VIT: variants seen among roughly 807,000 people sequenced by gnomAD.
The protein encoded by VIT is vitrin.
In VIT, 99 loss-of-function variants were observed where a neutral mutation model predicts 78.0. The observed-to-expected ratio is 1.27, with a 90% confidence interval of 1.08 to 1.50. The LOEUF (loss-of-function observed/expected upper bound fraction) is 1.50, where lower values mean the gene tolerates loss of function less well. VIT is among the 40% of genes most tolerant of loss of function. VIT has a pLI of 0.00. For missense variants in VIT, 1,126 were observed against 875.3 expected (o/e 1.29, Z -3.61); for synonymous variants, 374 against 334.3 (o/e 1.12, Z -1.29).
chr2:36,740,517 T>C (rs1558529818), intron 3 of VIT, among the ~76,000 whole-genome samples: 1 of 152,198 alleles, frequency 6.6e-6, no homozygotes. Flanking sequence ...TCTGTACAAA[T>C]TTAACAAATT....
intron 3 of VIT, among the ~76,000 whole-genome samples, chr2:36,742,866 A>T (rs1347912562): frequency 6.6e-6 from 1 of 152,180 alleles, no homozygotes; most frequent in Non-Finnish European, 1.5e-5. Context: ...TAAGCACAGG[A>T]ATCAGCCTTT....
intron 4 of VIT, among the ~76,000 whole-genome samples, chr2:36,750,686 C>T (rs996901415): frequency 6.6e-6 from 1 of 151,172 alleles, no homozygotes; most frequent in East Asian, 2.0e-4. Context: ...CTGGGCATGG[C>T]GGTGCACACA....
At chr2:36,796,631 T>C (rs1280291378) in intron 12 of VIT, among the ~76,000 whole-genome samples, 3 of 152,122 alleles carry the variant, frequency 2.0e-5, no homozygotes, top group Non-Finnish European at 4.4e-5. Context: ...AAAAACTTTT[T>C]TTTTTAGTTT....
chr2:36,726,839 AAAAAC>A (rs1553364631), intron 2 of VIT, among the ~76,000 whole-genome samples: 8 of 74,866 alleles, frequency 1.1e-4, no homozygotes, highest in South Asian at 5.9e-4. Context: ...AAAAAAAAAA[AAAAAC>A]AAAACCTCAG....
intron 12 of VIT, among the ~76,000 whole-genome samples, chr2:36,796,551 A>T (rs1009621360): frequency 6.6e-6 from 1 of 152,246 alleles, no homozygotes; most frequent in Non-Finnish European, 1.5e-5. Flanking sequence ...CCAGAACCTT[A>T]ATGATCAATA....
intron 14 of VIT, among the ~76,000 whole-genome samples, chr2:36,806,731 ATT>A (rs1268595844): frequency 6.6e-6 from 1 of 151,566 alleles, no homozygotes; most frequent in Non-Finnish European, 1.5e-5. Context: ...ATTTTATTTT[ATT>A]TTTTTATTTT....
intron 1 of VIT, among the ~76,000 whole-genome samples, chr2:36,702,886 C>T (rs1360275532): frequency 6.6e-6 from 1 of 152,228 alleles, no homozygotes; most frequent in Non-Finnish European, 1.5e-5. Flanking sequence ...TGGGGGTTTA[C>T]AGTTCCTCCC....
At chr2:36,734,687 G>A (rs2148496946) in intron 3 of VIT, among the ~76,000 whole-genome samples, 1 of 152,318 alleles carries the variant, frequency 6.6e-6, no homozygotes, top group East Asian at 1.9e-4. Flanking sequence ...GGTTCCCACT[G>A]ATTTTGGTAG....
At chr2:36,795,242 T>A (rs901406208) in intron 12 of VIT, among the ~76,000 whole-genome samples, 2 of 152,038 alleles carry the variant, frequency 1.3e-5, no homozygotes, top group African/African-American at 4.8e-5. Context: ...TTCCAGGAAC[T>A]TTTGCAGTCA....
intron 7 of VIT, 99 bp from the exon 8 acceptor site, chr2:36,773,692 C>G: frequency 9.0e-7 from 1 of 1,109,880 alleles, no homozygotes; most frequent in South Asian, 2.6e-5. Context: ...CCACTGCACT[C>G]CAGCTCTGGG....
At chr2:36,769,132 G>T (rs1669606182) in intron 7 of VIT, among the ~76,000 whole-genome samples, 1 of 152,236 alleles carries the variant, frequency 6.6e-6, no homozygotes, top group Non-Finnish European at 1.5e-5. Flanking sequence ...TCTGTAGCCA[G>T]AAGTTCTCCT....
chr2:36,786,121 T>G (rs1665077414), intron 11 of VIT, among the ~76,000 whole-genome samples: 1 of 151,520 alleles, frequency 6.6e-6, no homozygotes. Flanking sequence ...AGTGCCCCAG[T>G]GTCCTCTCGG....
chr2:36,728,145 C>T (rs990166163), intron 2 of VIT, among the ~76,000 whole-genome samples: 3 of 151,850 alleles, frequency 2.0e-5, no homozygotes, highest in Non-Finnish European at 4.4e-5. Context: ...TGGCCACACT[C>T]GTCTCAAACT....
intron 13 of VIT, 117 bp from the exon 14 acceptor site, chr2:36,805,321 A>AC (rs1429102780): frequency 2.5e-6 from 3 of 1,210,270 alleles, no homozygotes; most frequent in Non-Finnish European, 2.2e-6. Flanking sequence ...AAAAAAAAAA[A>AC]AAAAAACTAG....
intron 14 of VIT, among the ~76,000 whole-genome samples, chr2:36,806,569 C>T (rs775238823): frequency 5.9e-5 from 9 of 151,996 alleles, no homozygotes; most frequent in East Asian, 1.9e-4. Context: ...TTTTTTCAGA[C>T]GGAGTCTCAC....
intron 4 of VIT, 54 bp from the exon 5 acceptor site, chr2:36,754,867 C>A (rs1668668296): frequency 3.2e-6 from 5 of 1,574,744 alleles, no homozygotes; most frequent in Non-Finnish European, 4.3e-6. Flanking sequence ...GCCTGTTGAT[C>A]ACGTCAAAAA....
intron 2 of VIT, among the ~76,000 whole-genome samples, chr2:36,716,683 C>A (rs1558509883): frequency 6.6e-6 from 1 of 152,080 alleles, no homozygotes; most frequent in Non-Finnish European, 1.5e-5. Context: ...CTATTGCACA[C>A]ACACATACAC....
intron 1 of VIT, among the ~76,000 whole-genome samples, chr2:36,709,085 G>T (rs1665636674): frequency 6.6e-6 from 1 of 152,190 alleles, no homozygotes; most frequent in South Asian, 2.1e-4. Flanking sequence ...GAGAGGTGGA[G>T]GCTGCAGTGA....
In VIT at chr2:36,814,595, G is replaced by A. The variant is rs1667432963; in HGVS notation, c.*234G>A. On this transcript the variant is annotated 3_prime_UTR_variant, in exon 16 of 16. Transcript: ENST00000379242. ...AAGGCTACATCATGTTGAGGGTGCTGGAGATTTTACATTTTGACAATTGTT... is the reference window on the plus strand; with the variant it reads ...AAGGCTACATCATGTTGAGGGTGCTAGAGATTTTACATTTTGACAATTGTT... 6.0e-6 allele frequency: 3 copies of A among 502,348 alleles called. No individual in the cohort carries two copies. Among genetic ancestry groups the A allele is most frequent in the African/African-American group, 3.8e-5 (2 of 52,186 alleles). The allele number at this position is 502,348 out of a possible 1,614,324, so 31.1% of individuals were successfully genotyped here.
Sources: gnomAD v4.1 joint callset for allele counts (sites outside exome capture counted in the v4.1 genomes callset) on GRCh38, gnomAD v4.1.1 for gene constraint, MANE v1.5 for transcripts, NCBI Gene and HGNC (gene_info 2026-07-23, HGNC 2026-07-21) for gene names.